DUSP16: variants seen among roughly 807,000 people sequenced by gnomAD.
DUSP16 encodes the protein dual specificity phosphatase 16.
In DUSP16, 21 loss-of-function variants were observed where a neutral mutation model predicts 58.3. The observed-to-expected ratio is 0.36, with a 90% CI of 0.26 to 0.52. DUSP16 has a LOEUF of 0.52. Among genes scored for constraint, DUSP16 ranks in the 20% least tolerant of loss-of-function variants. DUSP16 has a pLI of 0.94. For missense variants in DUSP16, 726 were observed against 819.0 expected, an observed-to-expected ratio of 0.89 and a Z score of 1.39; for synonymous variants, 320 against 323.8, an observed-to-expected ratio of 0.99 and a Z score of 0.12.
intron 3 of DUSP16, among the ~76,000 whole-genome samples, chr12:12,513,629 T>C (rs1944108399): frequency 6.6e-6 from 1 of 152,218 alleles, no homozygotes. Context: ...TGTAGGGTTA[T>C]TCTGTGCTGC....
At chr12:12,549,917 G>A (rs1055763835) in intron 1 of DUSP16, among the ~76,000 whole-genome samples, 2 of 152,138 alleles carry the variant, frequency 1.3e-5, no homozygotes, top group African/African-American at 4.8e-5. Flanking sequence ...CTGGCCACAT[G>A]GCTCATCCTA....
At chr12:12,479,971 G>C (rs1943532663) in intron 6 of DUSP16, among the ~76,000 whole-genome samples, 1 of 152,178 alleles carries the variant, frequency 6.6e-6, no homozygotes, top group South Asian at 2.1e-4. Flanking sequence ...ATCTCTGCCT[G>C]GATCTGTTGT....
At chr12:12,541,101 T>C (rs908367531) in intron 1 of DUSP16, among the ~76,000 whole-genome samples, 4 of 151,670 alleles carry the variant, frequency 2.6e-5, no homozygotes, top group Admixed American at 2.6e-4. Flanking sequence ...TGGGACTACA[T>C]GTGCACACCA....
rs1287095941 is a variant in DUSP16, at chr12:12,477,358, G to A, written c.1473C>T (p.Ser491=). Residue 491 remains serine, a synonymous_variant, in exon 7 of 7, where the codon AGC becomes AGT. Coordinates refer to ENST00000298573, the MANE Select transcript of DUSP16 (RefSeq NM_030640.3). This position sits in a 1 kb window ranked among gnomAD's most constrained non-coding sequence, Gnocchi z 4.1. ...AAAGGGACCTCTGGGCGGTGCCACT[G>A]CTGCTGGTTCTGACCGAATGCAATC... is the stretch of plus-strand genomic sequence containing the variant. ...SKRLHSVRTS[S]SGTAQRSLLS... 1.2e-6 allele frequency: 2 copies of A among 1,614,088 alleles called. No individual in the cohort carries two copies. The highest frequency in any genetic ancestry group is 2.7e-5 in the African/African-American group (2 of 74,948).
chr12:12,538,204 C>T (rs1022459697), intron 1 of DUSP16, among the ~76,000 whole-genome samples: 5 of 152,212 alleles, frequency 3.3e-5, no homozygotes, highest in Admixed American at 3.3e-4. Flanking sequence ...TGGTCTTTCT[C>T]TCAATGTTCA....
intron 5 of DUSP16, among the ~76,000 whole-genome samples, chr12:12,483,635 A>T (rs1489929684): frequency 1.3e-5 from 2 of 151,122 alleles, no homozygotes; most frequent in Non-Finnish European, 3.0e-5. Context: ...CGAGTTTGGC[A>T]TGAGGAGAGC....
At chr12:12,531,174 G>A (rs1441914274) in intron 1 of DUSP16, among the ~76,000 whole-genome samples, 2 of 152,198 alleles carry the variant, frequency 1.3e-5, no homozygotes, top group Admixed American at 1.3e-4. Flanking sequence ...CAGTCTAAGG[G>A]GAGAGGGGTT....
intron 1 of DUSP16, among the ~76,000 whole-genome samples, chr12:12,545,693 A>G (rs1052024562): frequency 6.6e-6 from 1 of 152,154 alleles, no homozygotes; most frequent in African/African-American, 2.4e-5. Context: ...TGTAACCATC[A>G]CCACAATCAA....
rs941290814 is a variant in DUSP16 at position 12,521,461 on chromosome 12, A to T, written c.-363T>A. ...TCCAACAGCTTTACACTGGACTGAA[A>T]GCCTACGCGGAGAGAGAAAGACAGA... On this transcript the variant is annotated splice_region_variant and 5_prime_UTR_variant, in exon 2 of 7. Transcript: ENST00000298573. 3 of 1,089,292 alleles carry T rather than the reference A, an allele frequency of 2.8e-6. No homozygotes were observed. The highest frequency in any genetic ancestry group is 4.7e-5 in the Admixed American group (1 of 21,128). 67.5% of individuals were successfully genotyped at this position (1,089,292 alleles called of 1,614,324 possible).
chr12:12,535,935 T>C (rs1944456333), intron 1 of DUSP16, among the ~76,000 whole-genome samples: 1 of 152,200 alleles, frequency 6.6e-6, no homozygotes, highest in African/African-American at 2.4e-5. Flanking sequence ...AATAAGTTGG[T>C]AGAGTAAAAG....
chr12:12,478,281 C>G (rs997022191), intron 6 of DUSP16, among the ~76,000 whole-genome samples: 8 of 151,804 alleles, frequency 5.3e-5, no homozygotes, highest in African/African-American at 1.7e-4. Flanking sequence ...TTTCAAAGGC[C>G]CAGGGCTCCC....
intron 5 of DUSP16, among the ~76,000 whole-genome samples, chr12:12,482,577 G>A (rs756294391): frequency 4.8e-4 from 73 of 152,212 alleles, no homozygotes; most frequent in Non-Finnish European, 8.7e-4. Context: ...AAATGTGTGC[G>A]AGAAAGCCCT....
intron 1 of DUSP16, among the ~76,000 whole-genome samples, chr12:12,531,875 A>C (rs968074600): frequency 6.6e-6 from 1 of 151,374 alleles, no homozygotes; most frequent in African/African-American, 2.4e-5. Flanking sequence ...ATCTTAAAAC[A>C]AGGCCGGGCG....
intron 4 of DUSP16, among the ~76,000 whole-genome samples, chr12:12,493,866 G>A (rs760431919): frequency 2.6e-5 from 4 of 152,096 alleles, no homozygotes; most frequent in Non-Finnish European, 5.9e-5. Context: ...CACTCATACT[G>A]TACTATACTA....
chr12:12,558,625 C>T (rs1160605610), intron 1 of DUSP16, among the ~76,000 whole-genome samples: 1 of 152,130 alleles, frequency 6.6e-6, no homozygotes, highest in Non-Finnish European at 1.5e-5. Context: ...AGTGATCCTC[C>T]TGCCTTAGCC....
At chr12:12,509,783 A>C (rs959112959) in intron 3 of DUSP16, among the ~76,000 whole-genome samples, 14 of 152,178 alleles carry the variant, frequency 9.2e-5, no homozygotes, top group African/African-American at 2.2e-4. Context: ...GTTGATGGAC[A>C]TAAGTCTTGT....
intron 1 of DUSP16, among the ~76,000 whole-genome samples, chr12:12,535,353 T>A (rs1257569849): frequency 2.0e-5 from 3 of 152,142 alleles, no homozygotes; most frequent in Non-Finnish European, 4.4e-5. Context: ...GGAAAAAAAT[T>A]TTTTTTTACA....
rs913367965 is a variant in DUSP16 at position 12,475,827 on chromosome 12, A to G, written c.*1006T>C. The G allele has an allele frequency of 6.6e-6, 1 of 152,242 alleles. No individual in the cohort carries two copies. Among genetic ancestry groups the G allele is most frequent in the African/African-American group, 2.4e-5 (1 of 41,472 alleles). The allele number at this position is 152,242 out of a possible 1,614,324, so 9.4% of individuals were successfully genotyped here. ...GCAGTGAAGCAGAAAGGGCAAAAAC[A>G]TCTGCTTTGGCTGAGAATTTGAAGG... On this transcript the variant is annotated 3_prime_UTR_variant, in exon 7 of 7. Transcript: ENST00000298573.
At position 12,482,539 on chromosome 12, in the gene DUSP16, C is replaced by T. The variant is rs530316546; in HGVS notation, c.692-2193G>A. Among the ~76,000 whole-genome samples, 4 of 151,062 alleles carry T rather than the reference C, an allele frequency of 2.6e-5. No individual in the cohort carries two copies. In the South Asian group the frequency reaches 6.3e-4, roughly 24 times the overall value. ...TCTTCAAGCAAAGGAATTAATTTAA[C>T]ACACACAACTGGCAGAGAGGAGAAG... On this transcript the variant is annotated intron_variant, in intron 5 of 6. Transcript: ENST00000298573.
Sources: allele counts gnomAD v4.1 joint callset (sites outside exome capture counted in the v4.1 genomes callset), GRCh38; gene constraint gnomAD v4.1.1; non-coding constraint Gnocchi (gnomAD v3.1); transcripts MANE v1.5; gene names NCBI Gene and HGNC (gene_info 2026-07-23, HGNC 2026-07-21).